MAX: variants seen among roughly 807,000 people sequenced by gnomAD.
MAX encodes protein max.
MAX carries 3 observed loss-of-function variants against 22.3 expected under a neutral mutation model. The observed-to-expected ratio is 0.13, with a 90% CI of 0.06 to 0.35. The LOEUF is 0.35. Among genes scored for constraint, MAX ranks in the 10% least tolerant of loss-of-function variants. MAX has a pLI of 1.00. For missense variants in MAX, 119 were observed against 209.4 expected, an observed-to-expected ratio of 0.57 and a Z score of 2.66; for synonymous variants, 72 against 77.7, an observed-to-expected ratio of 0.93 and a Z score of 0.39.
At chr14:65,045,317 T>TA (rs951822688) in intron 3 of MAX, among the ~76,000 whole-genome samples, 1 of 152,114 alleles carries the variant, frequency 6.6e-6, no homozygotes, top group Admixed American at 6.5e-5. Flanking sequence ...TCGGACTTAG[T>TA]TGGATAATGT....
rs1047777951 is a variant in MAX at position 65,054,887 on chromosome 14, C to A, written c.171+38821G>T. Among the ~76,000 whole-genome samples, 1 of 152,230 alleles carries A rather than the reference C, an allele frequency of 6.6e-6. No individual in the cohort carries two copies. The highest frequency in any genetic ancestry group is 2.4e-5 in the African/African-American group (1 of 41,444). On this transcript the variant is annotated intron_variant, in intron 3 of 3. Coordinates refer to the MAX transcript ENST00000341653. This position sits in a 1 kb window ranked among gnomAD's most constrained non-coding sequence, Gnocchi z 4.4. ...GCACCTCTGGGCAAGCTCAGGGTTC[C>A]AGATGGGCGGTCTGATCTGTCAAAG...
At chr14:65,067,994 A>G (rs1448477403) in intron 3 of MAX, among the ~76,000 whole-genome samples, 4 of 152,012 alleles carry the variant, frequency 2.6e-5, no homozygotes, top group African/African-American at 9.7e-5. Flanking sequence ...ATCACACATC[A>G]AGGATACATA....
chr14:65,091,854 C>T (rs972197936), intron 3 of MAX: 11 of 152,168 alleles, frequency 7.2e-5, no homozygotes, highest in African/African-American at 1.7e-4. Context: ...AGAGCAAGAG[C>T]TCCTGTTATT....
rs572987357 is a variant in MAX at position 65,078,132 on chromosome 14, A to C, written c.172-96T>G. 7 of 1,362,584 alleles carry C rather than the reference A, an allele frequency of 5.1e-6. No individual in the cohort carries two copies. The highest frequency in any genetic ancestry group is 7.3e-6 in the Non-Finnish European group (7 of 955,334). 84.4% of individuals were successfully genotyped at this position (1,362,584 alleles called of 1,614,324 possible). The stretch of plus-strand genomic sequence containing the variant: ...TGCAGCAACTGCTTGGGTGGCTGGA[A>C]ACGAGAGGGTAAGGTGGGAAAAGGC... On this transcript the variant is annotated intron_variant, in intron 3 of 4. Coordinates refer to ENST00000358664, the MANE Select transcript of MAX (RefSeq NM_002382.5). This position sits in a 1 kb window ranked among gnomAD's most constrained non-coding sequence, Gnocchi z 6.4.
At chr14:65,055,771 C>T (rs1278988054) in intron 3 of MAX, among the ~76,000 whole-genome samples, 1 of 152,172 alleles carries the variant, frequency 6.6e-6, no homozygotes, top group Non-Finnish European at 1.5e-5. Flanking sequence ...CCTGCCTCAG[C>T]CTCCCAAGGT....
In MAX at chr14:65,054,736, C is replaced by T. The variant is rs368990812; in HGVS notation, c.171+38972G>A. 1.3e-4 allele frequency: 201 copies of T among 1,551,510 alleles called. 1 individual carries two copies. The highest frequency in any genetic ancestry group is 5.1e-5 in the Non-Finnish European group (58 of 1,143,136). On this transcript the variant is annotated intron_variant, in intron 3 of 3. Coordinates refer to the MAX transcript ENST00000341653. The surrounding 1 kb of genome is among the most constrained non-coding windows in gnomAD (Gnocchi z 4.4). Reference sequence around the variant, plus strand: ...ACACCCCTTCTCCACAGGGACCTCGCGGACAGAAGGCTTTCCAAGTAAGCA... The same window carrying T: ...ACACCCCTTCTCCACAGGGACCTCGTGGACAGAAGGCTTTCCAAGTAAGCA...
chr14:65,037,403 C>CTTTTTTTTTTTTTTTT lies in MAX; in HGVS notation c.172-31135_172-31120dup, dbSNP rs1555335876. Among the ~76,000 whole-genome samples the CTTTTTTTTTTTTTTTT allele has an allele frequency of 1.1e-3, 33 of 29,676 alleles. 6 individuals are homozygous for CTTTTTTTTTTTTTTTT. The highest frequency in any genetic ancestry group is 1.8e-3 in the Non-Finnish European group (25 of 13,692). The allele number at this position is 29,676 out of a possible 152,430, so 19.5% of individuals were successfully genotyped here. On this transcript the variant is annotated intron_variant, in intron 3 of 3. Transcript: ENST00000341653. ...TAGGCGTGAGCCACCACGCCGGGCC[C>CTTTTTTTTTTTTTTTT]TTTTTTTTTTTTTTTTTTTTTTTTT...
chr14:65,012,761 A>G lies in MAX; in HGVS notation c.172-6477T>C, dbSNP rs550025057. On this transcript the variant is annotated intron_variant, in intron 3 of 3. Transcript: ENST00000341653. The surrounding 1 kb of genome is among the most constrained non-coding windows in gnomAD (Gnocchi z 5.0). ...ATTTCTCGCTCATTTATTGAGGACT[A>G]TTGTCCAAACCTGTTAAGTCTGTAT... Among the ~76,000 whole-genome samples the G allele has an allele frequency of 9.8e-5, 15 of 152,314 alleles. No homozygotes were observed. The highest frequency in any genetic ancestry group is 4.1e-4 in the South Asian group (2 of 4,822).
In MAX at chr14:65,084,198, T is replaced by C; in HGVS notation, c.172-6162A>G. 1 of 1,614,124 alleles carries C rather than the reference T, an allele frequency of 6.2e-7. No homozygotes were observed. The highest frequency in any genetic ancestry group is 1.1e-5 in the South Asian group (1 of 91,088). On this transcript the variant is annotated intron_variant, in intron 3 of 4. Transcript: ENST00000358664. This position sits in a 1 kb window ranked among gnomAD's most constrained non-coding sequence, Gnocchi z 4.3. ...TCATTTTTTAAATCTTGCATTCTTT[T>C]TTCTTGTGCACTTGGTAGCTTGAAA...
At chr14:65,053,299 C>T (rs1394247370) in intron 3 of MAX, 1 of 1,463,478 alleles carries the variant, frequency 6.8e-7, no homozygotes, top group Non-Finnish European at 9.1e-7. Context: ...AGGAGTACAT[C>T]CTGATGTGCT....
rs2063057358 is a variant in MAX, at chr14:65,076,452, T to C, written c.*24A>G. 3 of 1,612,478 alleles carry C rather than the reference T, an allele frequency of 1.9e-6. No homozygotes were observed. In the South Asian group the frequency reaches 3.3e-5, roughly 18 times the overall value. On this transcript the variant is annotated 3_prime_UTR_variant, in exon 5 of 5. Transcript: ENST00000358664. The surrounding 1 kb of genome is among the most constrained non-coding windows in gnomAD (Gnocchi z 6.6). ...TGAGACGATGGAGACAGACAGTTTT[T>C]ATTGCTGGCCTGCCCCGAGTGGCTT...
intron 3 of MAX, among the ~76,000 whole-genome samples, chr14:65,056,284 T>C (rs1165628467): frequency 6.6e-6 from 1 of 152,234 alleles, no homozygotes; most frequent in Non-Finnish European, 1.5e-5. Context: ...CTTATATAAA[T>C]GTACCCCAGT....
chr14:65,030,424 G>A lies in MAX; in HGVS notation c.172-24140C>T, dbSNP rs1444447433. Among the ~76,000 whole-genome samples the A allele has an allele frequency of 6.6e-6, 1 of 152,134 alleles. No individual in the cohort carries two copies. Among genetic ancestry groups the A allele is most frequent in the Non-Finnish European group, 1.5e-5 (1 of 68,036 alleles). Reference sequence around the variant, plus strand: ...AATACCTCAGTAAGTCTGACTTCATGTTATATCTATACTGAGTAAGATGGA... The same window carrying A: ...AATACCTCAGTAAGTCTGACTTCATATTATATCTATACTGAGTAAGATGGA... On this transcript the variant is annotated intron_variant, in intron 3 of 3. Transcript: ENST00000341653. The surrounding 1 kb of genome is among the most constrained non-coding windows in gnomAD (Gnocchi z 4.5).
In MAX at chr14:65,012,061, C is replaced by T. The variant is rs756067537; in HGVS notation, c.172-5777G>A. 1 of 412,456 alleles carries T rather than the reference C, an allele frequency of 2.4e-6. No homozygotes were observed. 25.5% of individuals were successfully genotyped at this position (412,456 alleles called of 1,614,324 possible). ...CGGCTTTTCCGTTAGCCCAAAGTCA[C>T]TGCCTTTAGGAGACAATCGCACTCT... On this transcript the variant is annotated intron_variant, in intron 3 of 3. Coordinates refer to the MAX transcript ENST00000341653. The surrounding 1 kb of genome is among the most constrained non-coding windows in gnomAD (Gnocchi z 5.0).
At position 65,075,167 on chromosome 14, in the gene MAX, G is replaced by C; in HGVS notation, c.*1309C>G. On this transcript the variant is annotated 3_prime_UTR_variant, in exon 5 of 5. Coordinates refer to ENST00000358664, the MANE Select transcript of MAX (RefSeq NM_002382.5). The surrounding 1 kb of genome is among the most constrained non-coding windows in gnomAD (Gnocchi z 4.1). The stretch of plus-strand genomic sequence containing the variant: ...TTTTATTTATAGTCTTATAGTAAAG[G>C]GGGAAGCCTTAACTTGCAAGACAAT... The C allele has an allele frequency of 9.7e-7, 1 of 1,032,522 alleles. No homozygotes were observed. The highest frequency in any genetic ancestry group is 1.2e-6 in the Non-Finnish European group (1 of 858,652). 64.0% of individuals were successfully genotyped at this position (1,032,522 alleles called of 1,614,324 possible). A position where few individuals can be genotyped will look rare whatever the true frequency, so the allele number is the denominator to read the frequency against.
intron 3 of MAX, among the ~76,000 whole-genome samples, chr14:65,063,618 G>A (rs563799025): frequency 6.6e-6 from 1 of 152,332 alleles, no homozygotes; most frequent in South Asian, 2.1e-4. Context: ...AGGCTGGAGT[G>A]CAGTGGCACA....
Position 65,044,359 on chromosome 14 carries a change from C to T in MAX, c.172-38075G>A, listed in dbSNP as rs761059627. The T allele has an allele frequency of 7.4e-6, 12 of 1,613,314 alleles. No individual in the cohort carries two copies. Among genetic ancestry groups the T allele is most frequent in the Admixed American group, 1.7e-5 (1 of 59,832 alleles). On this transcript the variant is annotated intron_variant, in intron 3 of 3. Coordinates refer to the MAX transcript ENST00000341653. This position sits in a 1 kb window ranked among gnomAD's most constrained non-coding sequence, Gnocchi z 5.5. ...GCGATTTGAAGGAGGATTTCAGGGC[C>T]GCTGCAACAAGCTGGTGGATGGCTG...
rs968636370 is a variant in MAX at position 65,011,215 on chromosome 14, G to A, written c.172-4931C>T. Among the ~76,000 whole-genome samples, 2 of 152,138 alleles carry A rather than the reference G, an allele frequency of 1.3e-5. No individual in the cohort carries two copies. Among genetic ancestry groups the A allele is most frequent in the Admixed American group, 1.3e-4 (2 of 15,276 alleles). The stretch of plus-strand genomic sequence containing the variant: ...AGGCCAAGGCAGGGGATTACCTGAG[G>A]TCAGGAGTTCAAGACCAGCCTGGGC... On this transcript the variant is annotated intron_variant, in intron 3 of 3. Transcript: ENST00000341653. This position sits in a 1 kb window ranked among gnomAD's most constrained non-coding sequence, Gnocchi z 4.0.
At chr14:65,017,087 T>C (rs1382474202) in intron 3 of MAX, among the ~76,000 whole-genome samples, 1 of 151,992 alleles carries the variant, frequency 6.6e-6, no homozygotes, top group Non-Finnish European at 1.5e-5. Flanking sequence ...CGTGCCTGGC[T>C]AATTTTTGTA....
Sources: allele counts gnomAD v4.1 joint callset (sites outside exome capture counted in the v4.1 genomes callset), GRCh38; gene constraint gnomAD v4.1.1; non-coding constraint Gnocchi (gnomAD v3.1); transcripts MANE v1.5; gene names NCBI Gene and HGNC (gene_info 2026-07-23, HGNC 2026-07-21).